Variants in NKAIN2 observed in about 807,000 individuals in gnomAD.
NKAIN2 encodes the protein sodium/potassium-transporting ATPase subunit beta-1-interacting protein 2.
In NKAIN2, 14 loss-of-function variants were observed where a neutral mutation model predicts 32.6. The ratio of observed to expected loss-of-function variants is 0.43; its 90% CI spans 0.28 to 0.67. The LOEUF (loss-of-function observed/expected upper bound fraction) is 0.67. Among genes scored for constraint, NKAIN2 ranks in the 30% least tolerant of loss-of-function variants. The probability of loss-of-function intolerance (pLI) is 0.17; values close to 1 mark genes in which losing one functional copy is unlikely to be tolerated. For synonymous variants in NKAIN2, 80 were observed against 87.2 expected (o/e 0.92, Z 0.46); for missense variants, 198 against 258.3 (o/e 0.77, Z 1.60).
At chr6:124,114,396 G>A (rs556934556) in intron 1 of NKAIN2, among the ~76,000 whole-genome samples, 2 of 152,036 alleles carry the variant, frequency 1.3e-5, no homozygotes, top group South Asian at 2.1e-4. Context: ...TGCAGGTGGG[G>A]GCAGGAAAAG....
chr6:123,976,539 G>A (rs929756964), intron 1 of NKAIN2, among the ~76,000 whole-genome samples: 2 of 150,930 alleles, frequency 1.3e-5, no homozygotes, highest in Non-Finnish European at 3.0e-5. Flanking sequence ...CAGTTTGCTA[G>A]AGAATTCCCT....
rs1011600142 is a variant in NKAIN2 at position 123,959,890 on chromosome 6, C to T, written c.54+155636C>T. 3.3e-5 allele frequency among the ~76,000 whole-genome samples: 5 copies of T among 150,292 alleles called. No individual in the cohort carries two copies. In the South Asian group the frequency reaches 6.3e-4, roughly 19 times the overall value. ...GCCTAGGCAACAGTGCAAGTTCTTC[C>T]GGAGTCAGAGCAGAAGGAAATATGT... On this transcript the variant is annotated intron_variant, in intron 1 of 6. Transcript: ENST00000368417.
intron 3 of NKAIN2, among the ~76,000 whole-genome samples, chr6:124,515,265 G>T (rs1341910118): frequency 6.6e-6 from 1 of 152,080 alleles, no homozygotes; most frequent in Non-Finnish European, 1.5e-5. Flanking sequence ...ATAAAGAAAA[G>T]AGGTCTATTT....
At chr6:124,138,704 A>T (rs965657860) in intron 1 of NKAIN2, among the ~76,000 whole-genome samples, 8 of 148,264 alleles carry the variant, frequency 5.4e-5, no homozygotes, top group African/African-American at 2.0e-4. Context: ...AATATATATT[A>T]TATATATCAC....
At chr6:123,807,900 C>A (rs1351301821) in intron 1 of NKAIN2, among the ~76,000 whole-genome samples, 1 of 152,060 alleles carries the variant, frequency 6.6e-6, no homozygotes, top group Non-Finnish European at 1.5e-5. Context: ...GGTTAGTACA[C>A]ATTGTGTGTG....
intron 1 of NKAIN2, among the ~76,000 whole-genome samples, chr6:124,035,470 C>T (rs540250367): frequency 2.0e-5 from 3 of 152,192 alleles, no homozygotes; most frequent in East Asian, 3.9e-4. Context: ...TAGTTTCCCC[C>T]GAAATCATTC....
intron 3 of NKAIN2, among the ~76,000 whole-genome samples, chr6:124,501,951 C>CA (rs1778308530): frequency 6.6e-6 from 1 of 151,832 alleles, no homozygotes; most frequent in East Asian, 1.9e-4. Context: ...AAACAAATTA[C>CA]AAAAAATAGC....
intron 1 of NKAIN2, among the ~76,000 whole-genome samples, chr6:124,116,874 G>A (rs1258961498): frequency 1.3e-5 from 2 of 151,996 alleles, no homozygotes; most frequent in African/African-American, 4.8e-5. Context: ...GTTTATGAAT[G>A]ATGCAGAAAA....
At chr6:123,974,575 A>G (rs771880886) in intron 1 of NKAIN2, among the ~76,000 whole-genome samples, 1 of 152,138 alleles carries the variant, frequency 6.6e-6, no homozygotes, top group Non-Finnish European at 1.5e-5. Flanking sequence ...TCAAAATGTG[A>G]GCCTGCTGTA....
intron 4 of NKAIN2, among the ~76,000 whole-genome samples, chr6:124,767,407 T>C (rs1778559539): frequency 6.6e-6 from 1 of 152,182 alleles, no homozygotes; most frequent in Admixed American, 6.5e-5. Context: ...AAAGTGGGAC[T>C]ATTGTGGTTT....
At chr6:124,720,769 A>G (rs9388365) in intron 4 of NKAIN2, among the ~76,000 whole-genome samples, 74,934 of 151,994 alleles carry the variant, frequency 0.49, 18,877 homozygotes, top group African/African-American at 0.57. Flanking sequence ...GATCCCAGGA[A>G]CCAGGTGGTT....
At chr6:124,673,220 GTTC>G (rs1554248855) in intron 4 of NKAIN2, among the ~76,000 whole-genome samples, 1 of 151,960 alleles carries the variant, frequency 6.6e-6, no homozygotes, top group Non-Finnish European at 1.5e-5. Flanking sequence ...ATAATAGGAT[GTTC>G]TTCTTTTTAA....
At chr6:123,934,106 C>G (rs1230940570) in intron 1 of NKAIN2, among the ~76,000 whole-genome samples, 1 of 152,168 alleles carries the variant, frequency 6.6e-6, no homozygotes, top group Admixed American at 6.5e-5. Context: ...ACAACAACTA[C>G]TGCAACAACT....
At chr6:124,022,716 G>T (rs1177010481) in intron 1 of NKAIN2, among the ~76,000 whole-genome samples, 1 of 152,092 alleles carries the variant, frequency 6.6e-6, no homozygotes, top group Non-Finnish European at 1.5e-5. Flanking sequence ...TTACAAATCA[G>T]CCTACTTGGA....
At chr6:123,848,153 G>A (rs574136814) in intron 1 of NKAIN2, among the ~76,000 whole-genome samples, 2 of 152,252 alleles carry the variant, frequency 1.3e-5, no homozygotes, top group Non-Finnish European at 2.9e-5. Context: ...TACTGTTATC[G>A]TGTGGCTGAA....
chr6:124,566,394 T>C (rs559881536), intron 3 of NKAIN2, among the ~76,000 whole-genome samples: 12 of 152,240 alleles, frequency 7.9e-5, no homozygotes, highest in African/African-American at 9.6e-5. Context: ...GGTGATGTCT[T>C]ATTCCACTTC....
intron 1 of NKAIN2, among the ~76,000 whole-genome samples, chr6:123,814,196 G>A (rs1773597570): frequency 1.3e-5 from 2 of 152,084 alleles, no homozygotes; most frequent in African/African-American, 2.4e-5. Context: ...AAGCAATTAA[G>A]TACTATTCTA....
At chr6:124,469,103 G>A (rs552877337) in intron 3 of NKAIN2, among the ~76,000 whole-genome samples, 7 of 152,240 alleles carry the variant, frequency 4.6e-5, no homozygotes, top group African/African-American at 1.2e-4. Context: ...GGAATTGCTC[G>A]TTGCAGTAGC....
chr6:124,453,322 AAC>A (rs766482280), intron 3 of NKAIN2, among the ~76,000 whole-genome samples: 4,014 of 63,810 alleles, frequency 0.063, 136 homozygotes, highest in African/African-American at 0.1. Flanking sequence ...CATGCATATA[AAC>A]ACACACACAC....
Sources: gnomAD v4.1 joint callset for allele counts (sites outside exome capture counted in the v4.1 genomes callset) on GRCh38, gnomAD v4.1.1 for gene constraint, MANE v1.5 for transcripts, NCBI Gene and HGNC (gene_info 2026-07-23, HGNC 2026-07-21) for gene names.